GAS7: variants seen among roughly 807,000 people sequenced by gnomAD.
GAS7 encodes growth arrest specific 7, also known as growth arrest-specific protein 7.
Under a neutral mutation model 71.1 loss-of-function variants are expected in GAS7, and 28 were observed. The ratio of observed to expected loss-of-function variants is 0.39; its 90% CI spans 0.29 to 0.54. The LOEUF (loss-of-function observed/expected upper bound fraction) is 0.54. Ranked by LOEUF, GAS7 falls within the 20% of genes least tolerant of loss-of-function variation. GAS7 has a pLI of 0.62. For missense variants in GAS7, 436 were observed against 627.8 expected (o/e 0.69, Z 3.27); for synonymous variants, 258 against 245.8 (o/e 1.05, Z -0.46).
intron 1 of GAS7, among the ~76,000 whole-genome samples, chr17:10,154,913 T>TACACACACACAC (rs57604032): frequency 7.3e-4 from 104 of 142,032 alleles, no homozygotes; most frequent in African/African-American, 2.6e-3. Flanking sequence ...AACCCCAGGC[T>TACACACACACAC]ACACACACAC....
intron 1 of GAS7, among the ~76,000 whole-genome samples, chr17:10,086,496 TG>T (rs1165776805): frequency 6.6e-6 from 1 of 152,210 alleles, no homozygotes; most frequent in Non-Finnish European, 1.5e-5. Flanking sequence ...AATCTGGGTT[TG>T]TTCTGGGCTT....
At chr17:9,954,700 C>T (rs2069157252) in intron 5 of GAS7, among the ~76,000 whole-genome samples, 1 of 152,054 alleles carries the variant, frequency 6.6e-6, no homozygotes, top group South Asian at 2.1e-4. Context: ...CTATTAGCCT[C>T]TGGTTGGTAG....
At chr17:10,010,997 T>G (rs903207989) in intron 2 of GAS7, among the ~76,000 whole-genome samples, 1 of 152,214 alleles carries the variant, frequency 6.6e-6, no homozygotes, top group Non-Finnish European at 1.5e-5. Flanking sequence ...ATTTGGCCCA[T>G]AGGCCACAGT....
At chr17:9,958,557 C>T (rs2069341167) in intron 5 of GAS7, among the ~76,000 whole-genome samples, 1 of 151,956 alleles carries the variant, frequency 6.6e-6, no homozygotes, top group Admixed American at 6.6e-5. Flanking sequence ...CAGGCCTGTG[C>T]CCCTCAGGGG....
rs2070086441 is a variant in GAS7, at chr17:9,974,153, A to G, written c.386-4391T>C. Reference sequence around the variant, plus strand: ...GTCAGCTGATGGCTAATTACTGCTCATGTCAAAACAATTACGAGGAAAGAA... The same window carrying G: ...GTCAGCTGATGGCTAATTACTGCTCGTGTCAAAACAATTACGAGGAAAGAA... On this transcript the variant is annotated intron_variant, in intron 3 of 13. Transcript: ENST00000432992. The surrounding 1 kb of genome is among the most constrained non-coding windows in gnomAD (Gnocchi z 4.0). Among the ~76,000 whole-genome samples, 1 of 152,200 alleles carries G rather than the reference A, an allele frequency of 6.6e-6. No individual in the cohort carries two copies. Among genetic ancestry groups the G allele is most frequent in the Non-Finnish European group, 1.5e-5 (1 of 68,044 alleles).
intron 1 of GAS7, among the ~76,000 whole-genome samples, chr17:10,072,776 A>G (rs75050900): frequency 0.051 from 7,763 of 152,244 alleles, 212 homozygotes; most frequent in Middle Eastern, 0.071. Flanking sequence ...AGAGAGGCTC[A>G]GGGAAGTGCT....
At chr17:10,144,475 T>C (rs1026845118) in intron 1 of GAS7, among the ~76,000 whole-genome samples, 1 of 152,170 alleles carries the variant, frequency 6.6e-6, no homozygotes, top group Admixed American at 6.5e-5. Context: ...TCTCGGCAGA[T>C]CCCCAGTATC....
At chr17:9,985,885 G>A (rs115492570) in intron 2 of GAS7, among the ~76,000 whole-genome samples, 3 of 152,278 alleles carry the variant, frequency 2.0e-5, no homozygotes, top group South Asian at 2.1e-4. Context: ...TTCCTTCCCC[G>A]GGGGTTGCTC....
At chr17:9,998,292 C>T (rs1159831360) in intron 2 of GAS7, among the ~76,000 whole-genome samples, 4 of 152,252 alleles carry the variant, frequency 2.6e-5, no homozygotes, top group Non-Finnish European at 4.4e-5. Context: ...ATGTTCAAGA[C>T]TCTTCTCTAA....
rs191446026 is a variant in GAS7 at position 10,160,097 on chromosome 17, G to T, written c.183+38111C>A. 2.6e-5 allele frequency among the ~76,000 whole-genome samples: 4 copies of T among 152,162 alleles called. No individual in the cohort carries two copies. The East Asian group carries it at 5.8e-4, about 22-fold the overall frequency. ...CCTAGCTAATTTCTTGTAGGGACAG[G>T]GTTTCCCCATATTGCCCAGGCTGGT... On this transcript the variant is annotated intron_variant, in intron 1 of 13. Transcript: ENST00000432992.
rs374704653 is a variant in GAS7 at position 10,002,647 on chromosome 17, G to T, written c.304+17130C>A. On this transcript the variant is annotated intron_variant, in intron 2 of 13. Coordinates refer to ENST00000432992, the MANE Select transcript of GAS7 (RefSeq NM_201433.2). ...CATTGTTCAATTCCCACCTATGAGT[G>T]AGAACATGCAGTGTTTGGTTTTCTG... Among the ~76,000 whole-genome samples, 249 of 152,216 alleles carry T rather than the reference G, an allele frequency of 1.6e-3. No individual in the cohort carries two copies. The Middle Eastern group carries it at 0.024, about 15-fold the overall frequency.
intron 1 of GAS7, among the ~76,000 whole-genome samples, chr17:10,139,077 GAC>G (rs1358994991): frequency 1.3e-5 from 2 of 152,128 alleles, no homozygotes; most frequent in African/African-American, 4.8e-5. Flanking sequence ...CTGAAAAACA[GAC>G]ACAAAAAGGA....
intron 1 of GAS7, among the ~76,000 whole-genome samples, chr17:10,090,117 C>T (rs896141672): frequency 1.9e-4 from 29 of 151,482 alleles, no homozygotes; most frequent in African/African-American, 6.1e-4. Flanking sequence ...TGCAGTGAGC[C>T]GAGATCGTGC....
At chr17:10,039,391 T>C (rs1388657924) in intron 1 of GAS7, among the ~76,000 whole-genome samples, 2 of 151,724 alleles carry the variant, frequency 1.3e-5, no homozygotes, top group Non-Finnish European at 2.9e-5. Context: ...ACCTAGAAGA[T>C]GAGGGTGGGA....
rs144747511 is a variant in GAS7 at position 10,015,586 on chromosome 17, C to A, written c.304+4191G>T. ...GGCTATTCTCATAGATGCCTTCCTG[C>A]AGAAAGGCAGGCAGATTAAAATATA... On this transcript the variant is annotated intron_variant, in intron 2 of 13. Coordinates refer to ENST00000432992, the MANE Select transcript of GAS7 (RefSeq NM_201433.2). Among the ~76,000 whole-genome samples the A allele has an allele frequency of 5.9e-4, 90 of 152,284 alleles. 1 individual carries two copies. The highest frequency in any genetic ancestry group is 2.2e-3 in the African/African-American group (90 of 41,548).
intron 2 of GAS7, among the ~76,000 whole-genome samples, chr17:10,016,746 AC>A (rs2072034266): frequency 7.3e-6 from 1 of 137,632 alleles, no homozygotes; most frequent in South Asian, 2.3e-4. Flanking sequence ...AAACATCTCT[AC>A]AAAAAATAAT....
At chr17:9,942,642 C>T (rs1305288798) in intron 7 of GAS7, among the ~76,000 whole-genome samples, 1 of 152,060 alleles carries the variant, frequency 6.6e-6, no homozygotes, top group East Asian at 1.9e-4. Flanking sequence ...ACTGTAACAT[C>T]CCCCCCACTG....
chr17:10,155,798 T>C (rs991759623), intron 1 of GAS7, among the ~76,000 whole-genome samples: 2 of 152,206 alleles, frequency 1.3e-5, no homozygotes, highest in African/African-American at 4.8e-5. Context: ...ATCCTTAAAA[T>C]AACCCTAAGA....
chr17:9,996,609 G>A (rs111706924), intron 2 of GAS7, among the ~76,000 whole-genome samples: 30 of 130,038 alleles, frequency 2.3e-4, no homozygotes, highest in Admixed American at 5.9e-4. Context: ...GTGTGTGTGT[G>A]TATATATACA....
Sources: gnomAD v4.1 joint callset for allele counts (sites outside exome capture counted in the v4.1 genomes callset) on GRCh38, gnomAD v4.1.1 for gene constraint, Gnocchi (gnomAD v3.1) non-coding constraint, MANE v1.5 for transcripts, NCBI Gene and HGNC (gene_info 2026-07-23, HGNC 2026-07-21) for gene names.